KDM8: variants seen among roughly 807,000 people sequenced by gnomAD.
KDM8 encodes lysine demethylase 8.
A neutral mutation model predicts 46.9 loss-of-function variants in KDM8; 35 were observed. The ratio of observed to expected loss-of-function variants is 0.75; its 90% CI spans 0.57 to 0.99. The LOEUF (loss-of-function observed/expected upper bound fraction) is 0.99, where lower values mean the gene tolerates loss of function less well. Among genes scored for constraint, KDM8 ranks in the 50% least tolerant of loss-of-function variants. KDM8 has a pLI of 0.00. For synonymous variants in KDM8, 232 were observed against 227.7 expected (o/e 1.02, Z -0.17); for missense variants, 475 against 537.0 (o/e 0.88, Z 1.14).
At chr16:27,212,523 C>T (rs898774860) in intron 2 of KDM8, among the ~76,000 whole-genome samples, 3 of 152,174 alleles carry the variant, frequency 2.0e-5, no homozygotes, top group African/African-American at 7.2e-5. Flanking sequence ...CACCTGAGGT[C>T]AAGAGTTCGA....
chr16:27,214,944 A>T lies in KDM8; in HGVS notation c.734A>T (p.Asp245Val), dbSNP rs1435957652. The T allele has an allele frequency of 3.7e-6, 6 of 1,614,216 alleles. No homozygotes were observed. The Admixed American group carries it at 1.0e-4, about 27-fold the overall frequency. The stretch of plus-strand genomic sequence containing the variant: ...GTGGAAGTTGGTTCGAGGTACACAG[A>T]TGAGGAATGGTCCCAGACCCTCATG... ...VPVEVGSRYTDEEWSQTLMTV... is the reference protein window; with the variant it reads ...VPVEVGSRYTVEEWSQTLMTV... Residue 245 changes from aspartate (D) to valine (V), a missense_variant, in exon 4 of 8, where the codon GAT (aspartate) becomes GTT (valine). Physicochemically the swap from Asp to Val is radical, Grantham distance 152. Transcript: ENST00000286096.
Position 27,213,680 on chromosome 16 carries a change from G to A in KDM8, c.594G>A (p.Gln198=), listed in dbSNP as rs1352308229. The A allele has an allele frequency of 3.1e-6, 5 of 1,614,232 alleles. No homozygotes were observed. The highest frequency in any genetic ancestry group is 4.2e-6 in the Non-Finnish European group (5 of 1,180,042). ...HRPSLQHFRE[Q]FLVPGRPVIL... is the part of the protein sequence containing the mutation. The stretch of plus-strand genomic sequence containing the variant: ...CGTCCCTCCAGCATTTCAGGGAGCA[G>A]TTTTTGGTTCCAGGGAGGCCCGTGA... The change falls in exon 3 of 8, where the codon CAG becomes CAA. Residue 198 remains glutamine, a synonymous_variant. Coordinates refer to ENST00000286096, the MANE Select transcript of KDM8 (RefSeq NM_024773.3).
chr16:27,215,377 C>A (rs1447772446), intron 4 of KDM8, among the ~76,000 whole-genome samples: 3 of 152,094 alleles, frequency 2.0e-5, no homozygotes, highest in Non-Finnish European at 4.4e-5. Context: ...ACCAGGAGTT[C>A]AAGACCAGCC....
chr16:27,210,112 G>C lies in KDM8; in HGVS notation c.-12G>C, dbSNP rs2083466033. 5.0e-6 allele frequency: 8 copies of C among 1,609,256 alleles called. No homozygotes were observed. Among genetic ancestry groups the C allele is most frequent in the Non-Finnish European group, 5.9e-6 (7 of 1,177,986 alleles). ...CCCCAGGCACGGGACTGAACCAGCTGGTGGTGGCCCGATGGCTGGAGACAC... is the reference window on the plus strand; with the variant it reads ...CCCCAGGCACGGGACTGAACCAGCTCGTGGTGGCCCGATGGCTGGAGACAC... On this transcript the variant is annotated 5_prime_UTR_variant, in exon 2 of 8. Coordinates refer to ENST00000286096, the MANE Select transcript of KDM8 (RefSeq NM_024773.3).
At position 27,210,561 on chromosome 16, in the gene KDM8, G is replaced by C; in HGVS notation, c.438G>C (p.Gln146His). ...DILLKVAAIL[Q>H]THLPGKRPAR... is the part of the protein sequence containing the mutation. ...TTCTTAAAGTCGCTGCCATCCTCCAGACACACCTCCCTGGAAAGAGGCCTG... is the reference window on the plus strand; with the variant it reads ...TTCTTAAAGTCGCTGCCATCCTCCACACACACCTCCCTGGAAAGAGGCCTG... The change falls in exon 2 of 8, where the codon CAG becomes CAC. Residue 146 changes from glutamine (Q) to histidine (H), a missense_variant. Transcript: ENST00000286096. 2 of 1,526,760 alleles carry C rather than the reference G, an allele frequency of 1.3e-6. No homozygotes were observed. Among genetic ancestry groups the C allele is most frequent in the Non-Finnish European group, 1.8e-6 (2 of 1,136,822 alleles). The allele number at this position is 1,526,760 out of a possible 1,614,324, so 94.6% of individuals were successfully genotyped here.
intron 2 of KDM8, 30 bp downstream of exon 2, chr16:27,210,651 C>G: frequency 6.7e-7 from 1 of 1,492,924 alleles, no homozygotes; most frequent in Non-Finnish European, 8.9e-7. Context: ...CCCAAGCACA[C>G]TAGCCATCCA....
rs146152918 is a variant in KDM8, at chr16:27,210,017, T to C, written c.-31-76T>C. ...TGTTGAAAAATCCTCGCAGATGAGA[T>C]GCAGGAAGCTGCGGGAATGCACAGG... On this transcript the variant is annotated intron_variant, in intron 1 of 7. Coordinates refer to ENST00000286096, the MANE Select transcript of KDM8 (RefSeq NM_024773.3). 3.6e-3 allele frequency: 5,092 copies of C among 1,426,112 alleles called. 15 individuals are homozygous for C. Among genetic ancestry groups the C allele is most frequent in the Non-Finnish European group, 4.4e-3 (4,700 of 1,064,086 alleles). The allele number at this position is 1,426,112 out of a possible 1,614,324, so 88.3% of individuals were successfully genotyped here.
At chr16:27,220,335 G>C in intron 6 of KDM8, 58 bp from the exon 7 acceptor site, 1 of 1,470,592 alleles carries the variant, frequency 6.8e-7, no homozygotes, top group Non-Finnish European at 9.5e-7. Context: ...GGCCAGAGTG[G>C]GCTTGGGGCA....
intron 2 of KDM8, among the ~76,000 whole-genome samples, chr16:27,212,277 A>G (rs1338277885): frequency 6.6e-6 from 1 of 152,258 alleles, no homozygotes; most frequent in Non-Finnish European, 1.5e-5. Context: ...ACAGCATTTC[A>G]TCTTTGGCTG....
intron 1 of KDM8, among the ~76,000 whole-genome samples, chr16:27,208,875 C>T (rs2083452565): frequency 6.6e-6 from 1 of 152,178 alleles, no homozygotes; most frequent in African/African-American, 2.4e-5. Flanking sequence ...TCTCTGAGCC[C>T]TACCATACCC....
chr16:27,220,226 A>G (rs555769316), intron 6 of KDM8, 167 bp from the exon 7 acceptor site: 6 of 675,970 alleles, frequency 8.9e-6, no homozygotes, highest in Non-Finnish European at 1.6e-5. Flanking sequence ...GTCTCTAAAA[A>G]ATAAAAAAGA....
At position 27,218,988 on chromosome 16, in the gene KDM8, A is replaced by G. The variant is rs1191736326; in HGVS notation, c.871A>G (p.Ile291Val). The G allele has an allele frequency of 6.2e-7, 1 of 1,614,162 alleles. No individual in the cohort carries two copies. Among genetic ancestry groups the G allele is most frequent in the South Asian group, 1.1e-5 (1 of 91,076 alleles). The change falls in exon 6 of 8, where the codon ATC becomes GTC. Residue 291 changes from isoleucine (I) to valine (V), a missense_variant. By Grantham distance (29) the Ile-to-Val change is conservative. Coordinates refer to ENST00000286096, the MANE Select transcript of KDM8 (RefSeq NM_024773.3). ...QIPELKQDISIPDYCSLGDGE... is the reference protein window; with the variant it reads ...QIPELKQDISVPDYCSLGDGE... ...CCCGGAGTTGAAGCAGGACATCAGC[A>G]TCCCCGACTACTGCAGCCTGGGCGA...
chr16:27,205,573 G>A (rs938131877), intron 1 of KDM8, among the ~76,000 whole-genome samples: 1 of 152,176 alleles, frequency 6.6e-6, no homozygotes, highest in Non-Finnish European at 1.5e-5. Flanking sequence ...CGGGCGTGGC[G>A]GCTCACACCT....
intron 1 of KDM8, among the ~76,000 whole-genome samples, chr16:27,204,914 T>A (rs2083412509): frequency 6.6e-6 from 1 of 152,178 alleles, no homozygotes; most frequent in African/African-American, 2.4e-5. Flanking sequence ...TAATCACAGC[T>A]GCTTGGGCGG....
chr16:27,219,261 A>T, intron 6 of KDM8, 151 bp downstream of exon 6: 2 of 828,928 alleles, frequency 2.4e-6, no homozygotes, highest in South Asian at 3.8e-5. Flanking sequence ...AAACCCACAA[A>T]CGGCCCCAGG....
intron 1 of KDM8, among the ~76,000 whole-genome samples, chr16:27,206,633 C>G (rs113543408): frequency 0.018 from 2,739 of 152,316 alleles, 84 homozygotes; most frequent in African/African-American, 0.062. Context: ...TCAATAAAGC[C>G]AGGCCATAAG....
chr16:27,213,404 C>T lies in KDM8; in HGVS notation c.499-181C>T, dbSNP rs148126686. The T allele has an allele frequency of 3.0e-3, 1,701 of 560,316 alleles. 6 individuals carry two copies. The highest frequency in any genetic ancestry group is 3.6e-3 in the Non-Finnish European group (1,196 of 329,762). The allele number at this position is 560,316 out of a possible 1,614,324, so 34.7% of individuals were successfully genotyped here. ...ATGAAATGGTTAAGAAAAAAACCAC[C>T]TTGATCTCATGAGGAGCAAATAGTA... On this transcript the variant is annotated intron_variant, in intron 2 of 7. Transcript: ENST00000286096.
chr16:27,216,394 C>T (rs1410517429), intron 5 of KDM8, among the ~76,000 whole-genome samples: 1 of 152,010 alleles, frequency 6.6e-6, no homozygotes, highest in Non-Finnish European at 1.5e-5. Context: ...GACCCCAAAA[C>T]ACTAAATAGA....
In KDM8 at chr16:27,213,626, A is replaced by G. The variant is rs755256690; in HGVS notation, c.540A>G (p.Leu180=). Residue 180 remains leucine (L), a synonymous_variant, in exon 3 of 8, where the codon TTA becomes TTG. Coordinates refer to ENST00000286096, the MANE Select transcript of KDM8 (RefSeq NM_024773.3). ...ADHGLIPDVK[L]EKTVPRLHRP... ...ATGGTTTGATTCCAGATGTGAAGTT[A>G]GAAAAAACAGTCCCCCGGCTGCACC... 6.2e-7 allele frequency: 1 copy of G among 1,614,182 alleles called. No individual in the cohort carries two copies.
Sources: allele counts gnomAD v4.1 joint callset (sites outside exome capture counted in the v4.1 genomes callset), GRCh38; gene constraint gnomAD v4.1.1; transcripts MANE v1.5; gene names NCBI Gene and HGNC (gene_info 2026-07-23, HGNC 2026-07-21).